Variants in EXT1 observed in about 807,000 individuals in gnomAD.
EXT1 encodes the protein exostosin glycosyltransferase 1, also known as exostosin-1.
EXT1 carries 20 observed loss-of-function variants against 82.5 expected under a neutral mutation model. The ratio of observed to expected loss-of-function variants is 0.24; its 90% CI spans 0.17 to 0.35. The LOEUF is 0.35. EXT1 is among the 10% of genes least tolerant of loss of function. The pLI is 1.00. For missense variants in EXT1, 757 were observed against 936.5 expected (o/e 0.81, Z 2.50); for synonymous variants, 348 against 350.8 (o/e 0.99, Z 0.09).
intron 1 of EXT1, among the ~76,000 whole-genome samples, chr8:118,007,523 G>C (rs1815805207): frequency 6.6e-6 from 1 of 152,194 alleles, no homozygotes; most frequent in Non-Finnish European, 1.5e-5. Flanking sequence ...TCATACCTAG[G>C]TGATATATTG....
At chr8:118,102,983 G>A (rs1164599810) in intron 1 of EXT1, among the ~76,000 whole-genome samples, 2 of 152,028 alleles carry the variant, frequency 1.3e-5, no homozygotes, top group African/African-American at 2.4e-5. Context: ...GAGAAACCCC[G>A]TCTCTACTAA....
rs1029357878 is a variant in EXT1, at chr8:117,871,895, C to T, written c.963-34694G>A. 1.3e-4 allele frequency among the ~76,000 whole-genome samples: 20 copies of T among 152,172 alleles called. 1 individual carries two copies. Among genetic ancestry groups the T allele is most frequent in the Middle Eastern group, 3.4e-3 (1 of 294 alleles). ...ATCCTAGCACCGTGGGAGGCTGAGG[C>T]AAGACGATCACTGGAGTCCAGGAGT... On this transcript the variant is annotated intron_variant, in intron 1 of 10. Transcript: ENST00000378204.
chr8:117,816,417 C>T (rs560551601), intron 7 of EXT1, among the ~76,000 whole-genome samples: 1 of 152,220 alleles, frequency 6.6e-6, no homozygotes, highest in Admixed American at 6.5e-5. Context: ...CATGTCATAG[C>T]CCAGGTTTTC....
At chr8:118,072,762 T>A (rs1345968436) in intron 1 of EXT1, among the ~76,000 whole-genome samples, 2 of 152,212 alleles carry the variant, frequency 1.3e-5, no homozygotes, top group African/African-American at 2.4e-5. Flanking sequence ...TGTTCACAAG[T>A]GTGTTGGGAT....
intron 1 of EXT1, among the ~76,000 whole-genome samples, chr8:117,855,261 A>AGTTTTT (rs1305736445): frequency 6.6e-6 from 1 of 152,128 alleles, no homozygotes; most frequent in Non-Finnish European, 1.5e-5. Context: ...GCAGATCTTG[A>AGTTTTT]GTTTTTGTTT....
intron 1 of EXT1, among the ~76,000 whole-genome samples, chr8:117,839,603 C>A (rs1364380789): frequency 1.3e-5 from 2 of 152,174 alleles, no homozygotes; most frequent in African/African-American, 4.8e-5. Context: ...AGCCTGTGAA[C>A]CAGCCTCTCT....
chr8:118,109,189 A>G (rs1026341350), intron 1 of EXT1, among the ~76,000 whole-genome samples: 1 of 152,192 alleles, frequency 6.6e-6, no homozygotes, highest in Non-Finnish European at 1.5e-5. Flanking sequence ...TAACCAATTC[A>G]GTTACTTAGC....
At chr8:117,950,839 T>C (rs569902978) in intron 1 of EXT1, among the ~76,000 whole-genome samples, 1 of 152,340 alleles carries the variant, frequency 6.6e-6, no homozygotes, top group African/African-American at 2.4e-5. Flanking sequence ...AGACTGGGCA[T>C]ATCACCCTAT....
At chr8:117,804,659 C>T (rs1823211344) in intron 10 of EXT1, 63 bp downstream of exon 10, 2 of 1,590,666 alleles carry the variant, frequency 1.3e-6, no homozygotes, top group East Asian at 2.2e-5. Context: ...AACGTGAGTC[C>T]TCATTACCTG....
chr8:118,065,665 C>T (rs1478992377), intron 1 of EXT1, among the ~76,000 whole-genome samples: 1 of 152,208 alleles, frequency 6.6e-6, no homozygotes, highest in Non-Finnish European at 1.5e-5. Context: ...TTTGAACTTA[C>T]ACTTTGGGAA....
chr8:117,999,668 T>C (rs990797523), intron 1 of EXT1, among the ~76,000 whole-genome samples: 1 of 152,196 alleles, frequency 6.6e-6, no homozygotes, highest in Non-Finnish European at 1.5e-5. Context: ...GAAAGGACTA[T>C]CTCACTGCAG....
chr8:118,067,276 CTA>C (rs1192149656), intron 1 of EXT1, among the ~76,000 whole-genome samples: 6 of 152,232 alleles, frequency 3.9e-5, no homozygotes, highest in Admixed American at 3.3e-4. Flanking sequence ...CCTGGAGTAC[CTA>C]TACCACCTCC....
chr8:117,827,062 G>A (rs1005586425), intron 4 of EXT1, among the ~76,000 whole-genome samples: 1 of 152,220 alleles, frequency 6.6e-6, no homozygotes, highest in Admixed American at 6.5e-5. Flanking sequence ...ATAGATGTGT[G>A]TGTTTTAATT....
At chr8:117,830,713 A>G (rs1812085054) in intron 3 of EXT1, among the ~76,000 whole-genome samples, 1 of 152,174 alleles carries the variant, frequency 6.6e-6, no homozygotes, top group Non-Finnish European at 1.5e-5. Context: ...GGTCTTGGGG[A>G]AAGGCCAGAA....
chr8:118,050,985 A>T (rs1194367488), intron 1 of EXT1, among the ~76,000 whole-genome samples: 2 of 152,246 alleles, frequency 1.3e-5, no homozygotes, highest in Admixed American at 6.5e-5. Context: ...AGAATGGGAA[A>T]AAAAGAATCC....
intron 10 of EXT1, among the ~76,000 whole-genome samples, chr8:117,803,386 G>T (rs1823195496): frequency 6.6e-6 from 1 of 151,952 alleles, no homozygotes; most frequent in Admixed American, 6.6e-5. Context: ...TAGTAGAGAT[G>T]GGGTTTCGAC....
rs149773007 is a variant in EXT1, at chr8:117,989,796, G to A, written c.962+120289C>T. On this transcript the variant is annotated intron_variant, in intron 1 of 10. Transcript: ENST00000378204. ...CAACAGGTGCCATGCCCTGCCAGAAGAGCCCCACTGCTTTCTCACCTACAC... is the reference window on the plus strand; with the variant it reads ...CAACAGGTGCCATGCCCTGCCAGAAAAGCCCCACTGCTTTCTCACCTACAC... Among the ~76,000 whole-genome samples, 17 of 152,346 alleles carry A rather than the reference G, an allele frequency of 1.1e-4. 1 individual carries two copies. The highest frequency in any genetic ancestry group is 3.4e-4 in the African/African-American group (14 of 41,584).
chr8:117,980,277 C>T (rs1299157712), intron 1 of EXT1, among the ~76,000 whole-genome samples: 2 of 152,160 alleles, frequency 1.3e-5, no homozygotes, highest in Admixed American at 6.5e-5. Context: ...GTCCTTCCCC[C>T]TCTCTTTTCC....
chr8:117,847,317 G>T (rs1812378696), intron 1 of EXT1, among the ~76,000 whole-genome samples: 1 of 152,134 alleles, frequency 6.6e-6, no homozygotes, highest in Non-Finnish European at 1.5e-5. Flanking sequence ...CTTACACCAA[G>T]CCCAATTTAC....
Sources: allele counts gnomAD v4.1 joint callset (sites outside exome capture counted in the v4.1 genomes callset), GRCh38; gene constraint gnomAD v4.1.1; transcripts MANE v1.5; gene names NCBI Gene and HGNC (gene_info 2026-07-23, HGNC 2026-07-21).